The following RAB6A variants were observed in gnomAD, a reference collection of about 807,000 sequenced individuals.
The protein encoded by RAB6A is ras-related protein Rab-6A.
In RAB6A, 8 loss-of-function variants were observed where a neutral mutation model predicts 32.3. The observed-to-expected ratio is 0.25, with a 90% CI of 0.15 to 0.45. RAB6A has a LOEUF of 0.45. RAB6A is among the 20% of genes least tolerant of loss of function. The pLI is 1.00. For missense variants in RAB6A, 104 were observed against 249.4 expected (o/e 0.42, Z 3.93); for synonymous variants, 73 against 82.1 (o/e 0.89, Z 0.60).
chr11:73,735,536 GAA>G, intron 1 of RAB6A, among the ~76,000 whole-genome samples: 1 of 152,182 alleles, frequency 6.6e-6, no homozygotes, highest in South Asian at 2.1e-4. Context: ...AGAAGGTAAA[GAA>G]AAACTTTCCA....
intron 6 of RAB6A, among the ~76,000 whole-genome samples, chr11:73,687,806 G>A (rs1217145021): frequency 6.6e-6 from 1 of 151,994 alleles, no homozygotes; most frequent in Non-Finnish European, 1.5e-5. Flanking sequence ...GCAGTGAGCC[G>A]AGATTTCACC....
intron 2 of RAB6A, among the ~76,000 whole-genome samples, chr11:73,723,806 C>A (rs527314479): frequency 6.6e-5 from 10 of 152,016 alleles, no homozygotes; most frequent in Admixed American, 1.3e-4. Context: ...GAGAAAAAAA[C>A]CAGGAAAAGG....
At chr11:73,736,518 G>A (rs181889192) in intron 1 of RAB6A, among the ~76,000 whole-genome samples, 49 of 151,968 alleles carry the variant, frequency 3.2e-4, no homozygotes, top group Admixed American at 2.3e-3. Context: ...GGCCAGGCGC[G>A]GTGTGGCTCA....
Position 73,719,378 on chromosome 11 carries a change from C to T in RAB6A, c.184-660G>A, listed in dbSNP as rs1484636503. On this transcript the variant is annotated intron_variant, in intron 3 of 7. Coordinates refer to ENST00000336083, the MANE Select transcript of RAB6A (RefSeq NM_198896.2). ...CTATTGGGTCTAGAATACTTTCAAACCTGTTTTTTAACTACCGTGCTTGTA... is the reference window on the plus strand; with the variant it reads ...CTATTGGGTCTAGAATACTTTCAAATCTGTTTTTTAACTACCGTGCTTGTA... 5.3e-5 allele frequency among the ~76,000 whole-genome samples: 8 copies of T among 152,220 alleles called. 1 individual carries two copies. Among genetic ancestry groups the T allele is most frequent in the African/African-American group, 2.4e-5 (1 of 41,456 alleles).
intron 6 of RAB6A, chr11:73,704,173 G>T: frequency 2.3e-6 from 1 of 426,006 alleles, no homozygotes; most frequent in Non-Finnish European, 4.8e-6. Flanking sequence ...CCTGAGTCTA[G>T]GAGTTCAAGA....
At chr11:73,748,782 C>A (rs1359418465) in intron 1 of RAB6A, among the ~76,000 whole-genome samples, 1 of 152,130 alleles carries the variant, frequency 6.6e-6, no homozygotes, top group Non-Finnish European at 1.5e-5. Context: ...TTGTCTATTT[C>A]TGAATCCTCC....
intron 1 of RAB6A, among the ~76,000 whole-genome samples, chr11:73,741,907 C>T (rs1946501865): frequency 6.6e-6 from 1 of 152,056 alleles, no homozygotes; most frequent in Non-Finnish European, 1.5e-5. Flanking sequence ...ACTGATATTT[C>T]CTATATATCT....
chr11:73,747,856 A>G (rs965654321), intron 1 of RAB6A, among the ~76,000 whole-genome samples: 1 of 152,222 alleles, frequency 6.6e-6, no homozygotes, highest in African/African-American at 2.4e-5. Context: ...AAACTACCAC[A>G]GAACTGATGT....
chr11:73,699,823 C>T (rs908906429), intron 6 of RAB6A, among the ~76,000 whole-genome samples: 1 of 152,162 alleles, frequency 6.6e-6, no homozygotes, highest in African/African-American at 2.4e-5. Flanking sequence ...TTAACACCTG[C>T]TATAAGCCAA....
intron 2 of RAB6A, among the ~76,000 whole-genome samples, chr11:73,721,494 G>A (rs746269319): frequency 2.6e-5 from 4 of 152,070 alleles, no homozygotes; most frequent in Non-Finnish European, 4.4e-5. Flanking sequence ...AAGTTCTATT[G>A]CCTGGCTGCT....
At chr11:73,741,820 A>G (rs889687663) in intron 1 of RAB6A, among the ~76,000 whole-genome samples, 2 of 152,202 alleles carry the variant, frequency 1.3e-5, no homozygotes, top group African/African-American at 4.8e-5. Context: ...AAAAAATTAA[A>G]ACAAAATGAA....
chr11:73,733,440 G>A (rs1041873466), intron 1 of RAB6A, among the ~76,000 whole-genome samples: 11 of 151,798 alleles, frequency 7.2e-5, no homozygotes, highest in East Asian at 1.9e-4. Flanking sequence ...TCCCAGCTAC[G>A]CAGGAGACTG....
chr11:73,728,901 A>G (rs1388822950), intron 2 of RAB6A, among the ~76,000 whole-genome samples: 5 of 151,996 alleles, frequency 3.3e-5, no homozygotes, highest in Non-Finnish European at 5.9e-5. Context: ...GACCAATGAA[A>G]TTATCTGATG....
intron 6 of RAB6A, among the ~76,000 whole-genome samples, chr11:73,681,638 G>A (rs1945359157): frequency 1.3e-5 from 2 of 152,074 alleles, no homozygotes; most frequent in South Asian, 2.1e-4. Context: ...GTGAAACCCC[G>A]TCTCTACTAA....
chr11:73,757,778 G>A (rs988489981), intron 1 of RAB6A, among the ~76,000 whole-genome samples: 5 of 152,020 alleles, frequency 3.3e-5, no homozygotes, highest in Non-Finnish European at 7.4e-5. Flanking sequence ...ACTATCAATT[G>A]CGTAACCATG....
chr11:73,719,474 T>C (rs1256697006), intron 3 of RAB6A, among the ~76,000 whole-genome samples: 2 of 152,234 alleles, frequency 1.3e-5, no homozygotes, highest in African/African-American at 4.8e-5. Flanking sequence ...GTGTGTATAA[T>C]GTAACAAAAA....
chr11:73,720,931 A>G, intron 2 of RAB6A, 32 bp from the exon 3 acceptor site: 1 of 1,498,854 alleles, frequency 6.7e-7, no homozygotes, highest in Non-Finnish European at 9.3e-7. Context: ...TTAACAAATA[A>G]TAAGTTTAAT....
intron 1 of RAB6A, among the ~76,000 whole-genome samples, chr11:73,734,332 G>A (rs999361120): frequency 7.9e-5 from 12 of 152,014 alleles, no homozygotes; most frequent in African/African-American, 2.4e-4. Context: ...CACCATGTTG[G>A]CCAGGCTGGT....
At chr11:73,705,595 A>G (rs1945826325) in intron 6 of RAB6A, among the ~76,000 whole-genome samples, 1 of 152,060 alleles carries the variant, frequency 6.6e-6, no homozygotes, top group Admixed American at 6.6e-5. Context: ...AAGAAATAGA[A>G]AAGAGAAAGC....
Sources: allele counts gnomAD v4.1 joint callset (sites outside exome capture counted in the v4.1 genomes callset), GRCh38; gene constraint gnomAD v4.1.1; transcripts MANE v1.5; gene names NCBI Gene and HGNC (gene_info 2026-07-23, HGNC 2026-07-21).